Variants in DCDC1 observed in about 807,000 individuals in gnomAD.
DCDC1 encodes the protein doublecortin domain containing 1, also known as doublecortin domain-containing protein 1.
A neutral mutation model predicts 178.3 loss-of-function variants in DCDC1; 200 were observed. The observed-to-expected ratio is 1.12, with a 90% CI of 1.00 to 1.26. DCDC1 has a LOEUF of 1.26. DCDC1 is among the 50% of genes most tolerant of loss of function. The pLI is 0.00. For missense variants in DCDC1, 1,983 were observed against 1,749.2 expected (o/e 1.13, Z -2.38); for synonymous variants, 690 against 604.8 (o/e 1.14, Z -2.07).
intron 20 of DCDC1, among the ~76,000 whole-genome samples, chr11:30,988,890 T>G (rs1283636423): frequency 6.6e-6 from 1 of 152,194 alleles, no homozygotes; most frequent in Non-Finnish European, 1.5e-5. Context: ...TCAAATGAGC[T>G]TCATATGGCT....
At chr11:30,925,478 G>T in intron 22 of DCDC1, 70 bp from the exon 23 acceptor site, 1 of 1,345,336 alleles carries the variant, frequency 7.4e-7, no homozygotes, top group Non-Finnish European at 1.1e-6. Context: ...GAAAATAAAA[G>T]AAATCTGGGG....
At chr11:31,315,615 C>G (rs1291805153) in intron 3 of DCDC1, among the ~76,000 whole-genome samples, 54 of 146,032 alleles carry the variant, frequency 3.7e-4, no homozygotes, top group African/African-American at 1.2e-3. Context: ...GGATTACAGG[C>G]GTGAGCCACC....
At chr11:30,936,679 G>C (rs1348968018) in intron 21 of DCDC1, among the ~76,000 whole-genome samples, 1 of 152,070 alleles carries the variant, frequency 6.6e-6, no homozygotes, top group African/African-American at 2.4e-5. Context: ...AGAAACACTG[G>C]GCCTTAATAA....
chr11:31,069,423 A>G (rs1410136073), intron 18 of DCDC1, among the ~76,000 whole-genome samples: 1 of 152,170 alleles, frequency 6.6e-6, no homozygotes, highest in East Asian at 1.9e-4. Context: ...AGGTACATTC[A>G]AGACAATTCA....
At chr11:30,939,114 A>G (rs1475539971) in intron 21 of DCDC1, among the ~76,000 whole-genome samples, 3 of 152,104 alleles carry the variant, frequency 2.0e-5, no homozygotes, top group African/African-American at 7.2e-5. Context: ...CCAACTACCA[A>G]GGCAGTACTT....
intron 9 of DCDC1, among the ~76,000 whole-genome samples, chr11:31,188,405 G>A (rs1313061241): frequency 1.3e-5 from 2 of 152,130 alleles, no homozygotes; most frequent in East Asian, 1.9e-4. Context: ...AGGAACTAGA[G>A]ATGCCACAGA....
chr11:30,953,305 T>C (rs1270373994), intron 20 of DCDC1, among the ~76,000 whole-genome samples: 1 of 148,602 alleles, frequency 6.7e-6, no homozygotes, highest in African/African-American at 2.4e-5. Context: ...TCATAAGCAT[T>C]ATATTAATTA....
At chr11:30,993,324 T>C (rs1321474456) in intron 20 of DCDC1, among the ~76,000 whole-genome samples, 1 of 152,070 alleles carries the variant, frequency 6.6e-6, no homozygotes, top group Non-Finnish European at 1.5e-5. Flanking sequence ...GCCCGTGTTA[T>C]AGCACTACTT....
At chr11:31,036,936 A>G (rs1954079441) in intron 20 of DCDC1, among the ~76,000 whole-genome samples, 1 of 152,244 alleles carries the variant, frequency 6.6e-6, no homozygotes, top group Non-Finnish European at 1.5e-5. Context: ...TATTACTATT[A>G]TGACTATTAT....
At chr11:31,362,996 T>C (rs568847085) in intron 1 of DCDC1, among the ~76,000 whole-genome samples, 98 of 152,246 alleles carry the variant, frequency 6.4e-4, no homozygotes, top group African/African-American at 2.2e-3. Context: ...AAATGAAGAA[T>C]GTATTTTAAA....
chr11:31,109,250 T>C (rs1959046052), intron 12 of DCDC1, among the ~76,000 whole-genome samples: 1 of 151,548 alleles, frequency 6.6e-6, no homozygotes, highest in South Asian at 2.1e-4. Context: ...CCCGAGTAAC[T>C]GGGACTACAG....
rs1359403302 is a variant in DCDC1 at position 30,968,688 on chromosome 11, T to TATCA, written c.2592-16124_2592-16121dup. On this transcript the variant is annotated intron_variant, in intron 20 of 38. Transcript: ENST00000684477. ...TCAAATATATATATCAAATTATATA[T>TATCA]ATCAAATTATATATATATCAAATTA... 6.6e-5 allele frequency among the ~76,000 whole-genome samples: 9 copies of TATCA among 136,468 alleles called. No individual in the cohort carries two copies. The South Asian group carries it at 1.3e-3, about 20-fold the overall frequency. The allele number at this position is 136,468 out of a possible 152,430, so 89.5% of individuals were successfully genotyped here.
intron 20 of DCDC1, among the ~76,000 whole-genome samples, chr11:30,990,084 T>C (rs1056876698): frequency 6.6e-6 from 1 of 152,072 alleles, no homozygotes; most frequent in Admixed American, 6.6e-5. Flanking sequence ...AAGACGCTTT[T>C]TCAAGAGACA....
At chr11:31,305,547 T>C in intron 6 of DCDC1, 68 bp downstream of exon 6, 2 of 1,536,860 alleles carry the variant, frequency 1.3e-6, no homozygotes, top group Non-Finnish European at 1.8e-6. Flanking sequence ...ATGAAAATCA[T>C]TTTTTAATTG....
intron 1 of DCDC1, among the ~76,000 whole-genome samples, chr11:31,369,034 C>G (rs1952128682): frequency 6.6e-6 from 1 of 152,106 alleles, no homozygotes. Flanking sequence ...CGAAGAAGAA[C>G]AGTTCATTCT....
intron 9 of DCDC1, among the ~76,000 whole-genome samples, chr11:31,211,055 T>G (rs1972472577): frequency 6.6e-6 from 1 of 152,204 alleles, no homozygotes; most frequent in African/African-American, 2.4e-5. Flanking sequence ...TCTGGACTAC[T>G]TCAGAAAACA....
chr11:31,120,216 G>T (rs571302570), intron 11 of DCDC1, among the ~76,000 whole-genome samples: 3 of 152,222 alleles, frequency 2.0e-5, no homozygotes, highest in African/African-American at 7.2e-5. Context: ...CAATAGAAGA[G>T]AACACTATAA....
chr11:31,297,266 T>C (rs998562035), intron 6 of DCDC1, among the ~76,000 whole-genome samples: 3 of 152,086 alleles, frequency 2.0e-5, no homozygotes, highest in East Asian at 1.9e-4. Context: ...GAGGGGACTG[T>C]AGGGTATGTG....
chr11:30,922,652 C>T lies in DCDC1; in HGVS notation c.2998-14G>A. 6.6e-7 allele frequency: 1 copy of T among 1,517,104 alleles called. No homozygotes were observed. The highest frequency in any genetic ancestry group is 8.8e-7 in the Non-Finnish European group (1 of 1,139,966). 94.0% of individuals were successfully genotyped at this position (1,517,104 alleles called of 1,614,324 possible). A position where few individuals can be genotyped will look rare whatever the true frequency, so the allele number is the denominator to read the frequency against. The stretch of plus-strand genomic sequence containing the variant: ...TGAAACATACACCTATCAAACAAAG[C>T]ATCTCTTATCCTGTATATAATTGTC... On this transcript the variant is annotated splice_polypyrimidine_tract_variant and intron_variant, in intron 23 of 38. Coordinates refer to ENST00000684477, the MANE Select transcript of DCDC1 (RefSeq NM_001387274.1).
Sources: allele counts gnomAD v4.1 joint callset (sites outside exome capture counted in the v4.1 genomes callset), GRCh38; gene constraint gnomAD v4.1.1; transcripts MANE v1.5; gene names NCBI Gene and HGNC (gene_info 2026-07-23, HGNC 2026-07-21).